IL18RAP: variants seen among roughly 807,000 people sequenced by gnomAD.
The protein encoded by IL18RAP is interleukin-18 receptor accessory protein.
A neutral mutation model predicts 58.1 loss-of-function variants in IL18RAP; 37 were observed. That is an observed-to-expected ratio of 0.64 (90% CI 0.49 to 0.84). The LOEUF (loss-of-function observed/expected upper bound fraction) is 0.84, where lower values mean the gene tolerates loss of function less well. IL18RAP is among the 40% of genes least tolerant of loss of function. The pLI is 0.00. For missense variants in IL18RAP, 667 were observed against 704.8 expected (o/e 0.95, Z 0.61); for synonymous variants, 268 against 257.5 (o/e 1.04, Z -0.39).
chr2:102,443,261 C>G lies in IL18RAP; in HGVS notation c.858C>G (p.Val286=). 1.2e-6 allele frequency: 2 copies of G among 1,613,806 alleles called. No homozygotes were observed. Among genetic ancestry groups the G allele is most frequent in the Non-Finnish European group, 1.7e-6 (2 of 1,179,864 alleles). Residue 286 remains valine, a synonymous_variant, in exon 6 of 10, where the codon GTC becomes GTG. Transcript: ENST00000687160. Reference sequence around the variant, plus strand: ...GCTTTGAAAGGGTCTTTAACCCTGTCATAAAATGGTACATCAAAGATTCTG... The same window carrying G: ...GCTTTGAAAGGGTCTTTAACCCTGTGATAAAATGGTACATCAAAGATTCTG... ...RFGFERVFNP[V]IKWYIKDSDL... is the part of the protein sequence containing the mutation.
upstream of IL18RAP, among the ~76,000 whole-genome samples, chr2:102,421,779 A>T (rs1306544603): frequency 6.6e-6 from 1 of 152,106 alleles, no homozygotes; most frequent in Non-Finnish European, 1.5e-5. Context: ...ACTTTCCTGT[A>T]CTTTCTGGCT....
Position 102,447,224 on chromosome 2 carries a change from A to G in IL18RAP, c.1210+17A>G, listed in dbSNP as rs180789961. The G allele has an allele frequency of 2.4e-3, 3,932 of 1,610,656 alleles. 12 individuals carry two copies. The highest frequency in any genetic ancestry group is 2.9e-3 in the Non-Finnish European group (3,425 of 1,178,106). On this transcript the variant is annotated intron_variant, in intron 8 of 9. Coordinates refer to ENST00000687160, the MANE Select transcript of IL18RAP (RefSeq NM_001393487.1). ...CGCTTGGGGGTAAGTTTACCTCCACATGCAGCCCTCTGACTTTTCCTCTGG... is the reference window on the plus strand; with the variant it reads ...CGCTTGGGGGTAAGTTTACCTCCACGTGCAGCCCTCTGACTTTTCCTCTGG...
chr2:102,423,577 G>T (rs1458492286), intron 1 of IL18RAP, among the ~76,000 whole-genome samples: 1 of 152,150 alleles, frequency 6.6e-6, no homozygotes, highest in African/African-American at 2.4e-5. Context: ...GCTGACGAGG[G>T]ATGAGCCAGA....
Position 102,452,106 on chromosome 2 carries a change from C to T in IL18RAP, c.1725C>T (p.Thr575=). The change falls in exon 10 of 10, where the codon ACC becomes ACT. Residue 575 remains threonine, a synonymous_variant. Coordinates refer to ENST00000687160, the MANE Select transcript of IL18RAP (RefSeq NM_001393487.1). Reference sequence around the variant, plus strand: ...TCACGTGGAACCAGCTCAGAATTACCTCTAGGATTTTTCAGTGGAAAGGAC... The same window carrying T: ...TCACGTGGAACCAGCTCAGAATTACTTCTAGGATTTTTCAGTGGAAAGGAC... The part of the protein sequence containing the change: ...QGFTWNQLRI[T]SRIFQWKGLS... 6.2e-7 allele frequency: 1 copy of T among 1,614,086 alleles called. No homozygotes were observed. The highest frequency in any genetic ancestry group is 8.5e-7 in the Non-Finnish European group (1 of 1,180,012).
At chr2:102,419,978 C>T (rs1285177589), upstream of IL18RAP, among the ~76,000 whole-genome samples, 1 of 152,176 alleles carries the variant, frequency 6.6e-6, no homozygotes, top group East Asian at 1.9e-4. Flanking sequence ...GCCCAGTGCT[C>T]AATAAATGAT....
Position 102,451,037 on chromosome 2 carries a change from C to A in IL18RAP, c.1384+16C>A. Reference sequence around the variant, plus strand: ...CCAGGAGGAGGTAAGTCCAACATGTCAAGAAAAACTGCAGTGCAAAAAGGG... The same window carrying A: ...CCAGGAGGAGGTAAGTCCAACATGTAAAGAAAAACTGCAGTGCAAAAAGGG... On this transcript the variant is annotated intron_variant, in intron 9 of 9. Transcript: ENST00000687160. The A allele has an allele frequency of 6.4e-7, 1 of 1,562,764 alleles. No individual in the cohort carries two copies.
chr2:102,443,417 C>T, intron 6 of IL18RAP, 94 bp downstream of exon 6: 1 of 1,389,360 alleles, frequency 7.2e-7, no homozygotes, highest in Non-Finnish European at 9.7e-7. Context: ...ATGGTGTAGC[C>T]ACCAGCACCG....
upstream of IL18RAP, chr2:102,423,100 C>T: frequency 1.5e-6 from 1 of 663,426 alleles, no homozygotes. Flanking sequence ...GTAGGACCTG[C>T]CCTTTCAAAG....
At chr2:102,440,865 A>C (rs1683062050) in intron 4 of IL18RAP, among the ~76,000 whole-genome samples, 1 of 151,912 alleles carries the variant, frequency 6.6e-6, no homozygotes, top group Admixed American at 6.6e-5. Context: ...TAAGGACTGG[A>C]CTCTTCTTTA....
chr2:102,443,324 G>A lies in IL18RAP; in HGVS notation c.920+1G>A. ...AAGTCTCAGTACCTGAGGCGAAAAG[G>A]TAAGAAAAAAACTCACGGATTCTGT... On this transcript the variant is annotated splice_donor_variant, in intron 6 of 9. Transcript: ENST00000687160. LOFTEE classifies it high-confidence loss of function. The A allele has an allele frequency of 6.2e-7, 1 of 1,609,726 alleles. No individual in the cohort carries two copies. The highest frequency in any genetic ancestry group is 1.3e-5 in the African/African-American group (1 of 74,674).
At chr2:102,421,153 C>T (rs79763068), upstream of IL18RAP, among the ~76,000 whole-genome samples, 344 of 152,076 alleles carry the variant, frequency 2.3e-3, no homozygotes, top group Admixed American at 6.4e-3. Flanking sequence ...TCAGTTCCTG[C>T]TGGGATGGAA....
intron 9 of IL18RAP, 107 bp downstream of exon 9, chr2:102,451,128 A>G (rs948476100): frequency 2.0e-5 from 18 of 878,572 alleles, no homozygotes; most frequent in Middle Eastern, 2.3e-4. Context: ...CTGGGAGATT[A>G]CATGAGGTTA....
chr2:102,430,232 C>T lies in IL18RAP; in HGVS notation c.579+5818C>T, dbSNP rs749691450. 5.3e-5 allele frequency among the ~76,000 whole-genome samples: 8 copies of T among 152,092 alleles called. 1 individual carries two copies. In the South Asian group the frequency reaches 8.3e-4, roughly 16 times the overall value. On this transcript the variant is annotated intron_variant, in intron 3 of 9. Coordinates refer to ENST00000687160, the MANE Select transcript of IL18RAP (RefSeq NM_001393487.1). ...TTAATAAATGCGTTATATATTTAAG[C>T]GCTCTAATGTTGGGTGCCTATGTAT...
chr2:102,422,924 G>T (rs1002312987), upstream of IL18RAP, among the ~76,000 whole-genome samples: 2 of 151,992 alleles, frequency 1.3e-5, no homozygotes, highest in African/African-American at 2.4e-5. Context: ...GCACATCAAA[G>T]AAAAAAGATT....
In IL18RAP at chr2:102,437,070, T is replaced by C. The variant is rs558749795; in HGVS notation, c.580-142T>C. The C allele has an allele frequency of 9.5e-5, 65 of 685,394 alleles. 1 individual carries two copies. The East Asian group carries it at 1.6e-3, about 17-fold the overall frequency. The allele number at this position is 685,394 out of a possible 1,614,324, so 42.5% of individuals were successfully genotyped here. A position where few individuals can be genotyped will look rare whatever the true frequency, so the allele number is the denominator to read the frequency against. On this transcript the variant is annotated intron_variant, in intron 3 of 9. Coordinates refer to ENST00000687160, the MANE Select transcript of IL18RAP (RefSeq NM_001393487.1). ...CTACAAGTACAGTTTTTGAACACAA[T>C]GTCTTCATAGCTTGTGAGATACCCT...
rs369446313 is a variant in IL18RAP at position 102,441,354 on chromosome 2, A to G, written c.773A>G (p.Glu258Gly). 2.5e-5 allele frequency: 40 copies of G among 1,613,296 alleles called. No individual in the cohort carries two copies. In the African/African-American group the frequency reaches 4.3e-4, roughly 17 times the overall value. ...KLKPDILDPVEDTLEVELGKP... is the reference protein window; with the variant it reads ...KLKPDILDPVGDTLEVELGKP... Reference sequence around the variant, plus strand: ...AAACCAGATATTCTGGATCCTGTCGAGGACACACTGGAAGTAGAACTTGGT... The same window carrying G: ...AAACCAGATATTCTGGATCCTGTCGGGGACACACTGGAAGTAGAACTTGGT... The change falls in exon 5 of 10, where the codon GAG (glutamate) becomes GGG (glycine). Residue 258 changes from glutamate to glycine, a missense_variant. Physicochemically the swap from Glu to Gly is moderately conservative, Grantham distance 98. Transcript: ENST00000687160.
At chr2:102,443,351 C>T in intron 6 of IL18RAP, 28 bp downstream of exon 6, 1 of 1,606,998 alleles carries the variant, frequency 6.2e-7, no homozygotes, top group Non-Finnish European at 8.5e-7. Context: ...GGATTCTGTT[C>T]TCTGCAATTC....
chr2:102,452,463 C>A lies in IL18RAP; in HGVS notation c.*282C>A. 2 of 377,068 alleles carry A rather than the reference C, an allele frequency of 5.3e-6. No individual in the cohort carries two copies. Among genetic ancestry groups the A allele is most frequent in the Admixed American group, 4.1e-5 (1 of 24,256 alleles). 23.4% of individuals were successfully genotyped at this position (377,068 alleles called of 1,614,324 possible). ...GTGGTCCGAGCAGAATCAGAAAATA[C>A]AGCTACTTCTGCCTTATGGCTAGGG... On this transcript the variant is annotated 3_prime_UTR_variant, in exon 10 of 10. Coordinates refer to ENST00000687160, the MANE Select transcript of IL18RAP (RefSeq NM_001393487.1).
intron 3 of IL18RAP, among the ~76,000 whole-genome samples, chr2:102,432,120 G>A (rs6726985): frequency 0.54 from 81,337 of 151,690 alleles, 23,726 homozygotes; most frequent in African/African-American, 0.74. Flanking sequence ...GATTCCAGGT[G>A]GGCTAGTTGG....
Sources: gnomAD v4.1 joint callset for allele counts (sites outside exome capture counted in the v4.1 genomes callset) on GRCh38, gnomAD v4.1.1 for gene constraint, MANE v1.5 for transcripts, NCBI Gene and HGNC (gene_info 2026-07-23, HGNC 2026-07-21) for gene names.